The following AASDHPPT variants were observed in gnomAD, a reference collection of about 807,000 sequenced individuals.
AASDHPPT encodes the protein aminoadipate-semialdehyde dehydrogenase-phosphopantetheinyl transferase.
A neutral mutation model predicts 36.4 loss-of-function variants in AASDHPPT; 23 were observed. The observed-to-expected ratio is 0.63, with a 90% CI of 0.45 to 0.89. AASDHPPT has a LOEUF of 0.89. Ranked by LOEUF, AASDHPPT falls within the 40% of genes least tolerant of loss-of-function variation. The pLI is 0.00. For missense variants in AASDHPPT, 377 were observed against 378.2 expected, an observed-to-expected ratio of 1.00 and a Z score of 0.03; for synonymous variants, 115 against 128.0, an observed-to-expected ratio of 0.90 and a Z score of 0.68.
intron 3 of AASDHPPT, among the ~76,000 whole-genome samples, 175 bp from the exon 4 acceptor site, chr11:106,091,141 C>G (rs760900306): frequency 1.2e-4 from 18 of 151,968 alleles, no homozygotes; most frequent in Non-Finnish European, 2.1e-4. Context: ...ATGATTTGCC[C>G]TAAGATCATA....
At chr11:106,088,184 T>A (rs1005031888) in intron 2 of AASDHPPT, among the ~76,000 whole-genome samples, 1 of 152,290 alleles carries the variant, frequency 6.6e-6, no homozygotes, top group African/African-American at 2.4e-5. Flanking sequence ...AGTTATGTGA[T>A]TGCTTTCTAG....
chr11:106,091,264 G>GA (rs1349615791), intron 3 of AASDHPPT, 52 bp from the exon 4 acceptor site: 2 of 1,518,344 alleles, frequency 1.3e-6, no homozygotes, highest in African/African-American at 2.8e-5. Flanking sequence ...TAGATTCTAT[G>GA]AAAAATTTTT....
intron 5 of AASDHPPT, chr11:106,096,437 A>G: frequency 5.2e-6 from 1 of 192,812 alleles, no homozygotes; most frequent in Non-Finnish European, 1.0e-5. Flanking sequence ...AGATTTTGAT[A>G]TCCCTTCTAA....
At chr11:106,095,126 A>T (rs1231594352) in intron 5 of AASDHPPT, among the ~76,000 whole-genome samples, 1 of 152,218 alleles carries the variant, frequency 6.6e-6, no homozygotes, top group Non-Finnish European at 1.5e-5. Flanking sequence ...CTCCGTCTCA[A>T]AAAAAAGAAA....
chr11:106,095,178 A>G (rs1861300773), intron 5 of AASDHPPT, among the ~76,000 whole-genome samples: 1 of 152,202 alleles, frequency 6.6e-6, no homozygotes, highest in Admixed American at 6.5e-5. Flanking sequence ...TAAGTATTAC[A>G]ACAAAAAAAA....
chr11:106,082,613 G>A (rs868486902), intron 2 of AASDHPPT, among the ~76,000 whole-genome samples: 35 of 152,078 alleles, frequency 2.3e-4, no homozygotes, highest in Admixed American at 9.8e-4. Flanking sequence ...CTTTCATGGT[G>A]CATTAACCAT....
chr11:106,091,577 C>A, intron 4 of AASDHPPT, 100 bp downstream of exon 4: 1 of 1,182,952 alleles, frequency 8.5e-7, no homozygotes, highest in Non-Finnish European at 1.2e-6. Context: ...TTGGACGCAA[C>A]TGAATCCAGT....
rs546175982 is a variant in AASDHPPT, at chr11:106,094,634, G to A, written c.745G>A (p.Asp249Asn). 9.0e-5 allele frequency: 145 copies of A among 1,604,804 alleles called. No individual in the cohort carries two copies. In the Middle Eastern group the frequency reaches 1.8e-3, roughly 20 times the overall value. The stretch of plus-strand genomic sequence containing the variant: ...TGTTGCAGTTGCTCTTAGGAAACCC[G>A]ATGGATCTAGACATCAGGATGTAAG... ...HFVAVALRKP[D>N]GSRHQDVPSQ... The change falls in exon 5 of 6, where the codon GAT (aspartate) becomes AAT (asparagine). Residue 249 changes from aspartate (D) to asparagine (N), a missense_variant. Coordinates refer to ENST00000278618, the MANE Select transcript of AASDHPPT (RefSeq NM_015423.3).
At chr11:106,093,210 T>C (rs565723758) in intron 4 of AASDHPPT, 6 of 152,250 alleles carry the variant, frequency 3.9e-5, no homozygotes, top group South Asian at 2.1e-4. Context: ...TACAAAAAAT[T>C]TAAAAAATGA....
intron 2 of AASDHPPT, among the ~76,000 whole-genome samples, chr11:106,084,898 A>C (rs934243952): frequency 1.6e-4 from 24 of 152,098 alleles, no homozygotes; most frequent in Non-Finnish European, 3.1e-4. Context: ...TACAGGCGTG[A>C]GCCATCACAC....
In AASDHPPT at chr11:106,090,606, C is replaced by T; in HGVS notation, c.459C>T (p.Thr153=). The change falls in exon 3 of 6, where the codon ACC becomes ACT. Residue 153 remains threonine, a synonymous_variant. Transcript: ENST00000278618. ...TTCATATTATGAAAAGAAAGTTTACCAACAAAGAATGGGAAACAATCAGAA... is the reference window on the plus strand; with the variant it reads ...TTCATATTATGAAAAGAAAGTTTACTAACAAAGAATGGGAAACAATCAGAA... ...EFFHIMKRKF[T]NKEWETIRSF... is the part of the protein sequence containing the mutation. 1 of 1,597,978 alleles carries T rather than the reference C, an allele frequency of 6.3e-7. No homozygotes were observed.
intron 2 of AASDHPPT, among the ~76,000 whole-genome samples, chr11:106,085,453 T>C (rs1164364518): frequency 6.6e-6 from 1 of 152,092 alleles, no homozygotes; most frequent in Non-Finnish European, 1.5e-5. Context: ...TGAGCAAACT[T>C]CTGAAAGATG....
At chr11:106,085,809 G>GA (rs1277969004) in intron 2 of AASDHPPT, among the ~76,000 whole-genome samples, 1 of 152,324 alleles carries the variant, frequency 6.6e-6, no homozygotes, top group East Asian at 1.9e-4. Flanking sequence ...TACAGTTTGA[G>GA]AAACAGCCAT....
chr11:106,094,331 T>C, intron 4 of AASDHPPT: 1 of 303,180 alleles, frequency 3.3e-6, no homozygotes, highest in South Asian at 1.2e-4. Flanking sequence ...CGTTATTAAC[T>C]GCTGTGGTTA....
chr11:106,094,389 G>A (rs1250699201), intron 4 of AASDHPPT, 194 bp from the exon 5 acceptor site: 4 of 404,424 alleles, frequency 9.9e-6, no homozygotes, highest in Non-Finnish European at 1.8e-5. Flanking sequence ...GTATTTAAGA[G>A]TAAAGGGCCA....
intron 2 of AASDHPPT, 140 bp from the exon 3 acceptor site, chr11:106,090,417 T>G (rs1197194161): frequency 1.7e-6 from 1 of 599,026 alleles, no homozygotes; most frequent in Non-Finnish European, 2.6e-6. Context: ...AGATTTTGTT[T>G]AGGATTATTT....
At chr11:106,079,725 G>A in intron 2 of AASDHPPT, 33 bp downstream of exon 2, 2 of 1,551,662 alleles carry the variant, frequency 1.3e-6, no homozygotes, top group Non-Finnish European at 1.8e-6. Flanking sequence ...TGGCAGTTAA[G>A]TGTCTCGATG....
chr11:106,079,201 A>G (rs948181809), intron 1 of AASDHPPT, among the ~76,000 whole-genome samples: 2 of 152,224 alleles, frequency 1.3e-5, no homozygotes, highest in African/African-American at 4.8e-5. Context: ...GTAAATGCAC[A>G]TATATTTAAA....
chr11:106,091,553 G>GCT (rs1861257477), intron 4 of AASDHPPT, 76 bp downstream of exon 4: 1 of 1,418,006 alleles, frequency 7.1e-7, no homozygotes, highest in Non-Finnish European at 9.4e-7. Flanking sequence ...ATTTGGGTAA[G>GCT]CTAGTCACTG....
Sources: gnomAD v4.1 joint callset for allele counts (sites outside exome capture counted in the v4.1 genomes callset) on GRCh38, gnomAD v4.1.1 for gene constraint, MANE v1.5 for transcripts, NCBI Gene and HGNC (gene_info 2026-07-23, HGNC 2026-07-21) for gene names.